The following ACYP2 variants were observed in gnomAD, a reference collection of about 807,000 sequenced individuals.
ACYP2 encodes the protein acylphosphatase-2.
In ACYP2, 12 loss-of-function variants were observed where a neutral mutation model predicts 11.2. The observed-to-expected ratio is 1.08, with a 90% CI of 0.69 to 1.74. The LOEUF is 1.74. Ranked by LOEUF, ACYP2 falls within the 40% of genes most tolerant of loss-of-function variation. The probability of loss-of-function intolerance (pLI) is 0.00; values close to 1 mark genes in which losing one functional copy is unlikely to be tolerated. For synonymous variants in ACYP2, 43 were observed against 32.2 expected (o/e 1.33, Z -1.13); for missense variants, 134 against 101.9 (o/e 1.31, Z -1.35).
intron 3 of ACYP2, chr2:54,051,639 A>T: frequency 1.3e-6 from 1 of 740,852 alleles, no homozygotes; most frequent in Non-Finnish European, 2.5e-6. Context: ...CCTTATGAAA[A>T]GAAGGCTGCG....
At chr2:54,285,632 T>G (rs843724) in intron 6 of ACYP2, among the ~76,000 whole-genome samples, 50,699 of 152,104 alleles carry the variant, frequency 0.33, 9,216 homozygotes, top group Admixed American at 0.47. Flanking sequence ...AATACATGTG[T>G]TTTTACTGGG....
chr2:54,279,622 AAG>A (rs1573041933), intron 6 of ACYP2, among the ~76,000 whole-genome samples: 1 of 150,638 alleles, frequency 6.6e-6, no homozygotes. Flanking sequence ...CTCTATCTGA[AAG>A]AGAGCATTTT....
At chr2:54,031,984 T>G (rs1674610423) in intron 2 of ACYP2, among the ~76,000 whole-genome samples, 1 of 152,226 alleles carries the variant, frequency 6.6e-6, no homozygotes, top group South Asian at 2.1e-4. Context: ...TTTGATTTTT[T>G]CTTGTAAATT....
At chr2:54,152,056 A>G (rs977293979) in intron 6 of ACYP2, among the ~76,000 whole-genome samples, 7 of 149,662 alleles carry the variant, frequency 4.7e-5, no homozygotes, top group African/African-American at 1.7e-4. Context: ...GTTACAATTG[A>G]TGAGCCAATA....
intron 6 of ACYP2, among the ~76,000 whole-genome samples, chr2:54,259,071 T>A (rs1272635915): frequency 2.0e-5 from 3 of 152,072 alleles, no homozygotes; most frequent in Non-Finnish European, 4.4e-5. Context: ...AGGCCCCACC[T>A]CCCAGCATGG....
chr2:54,066,586 A>G (rs1572681668), intron 4 of ACYP2, among the ~76,000 whole-genome samples: 1 of 152,192 alleles, frequency 6.6e-6, no homozygotes, highest in Non-Finnish European at 1.5e-5. Context: ...GTGCCATAAA[A>G]TCATCTGATT....
At chr2:54,018,344 C>T (rs1358436022) in intron 2 of ACYP2, among the ~76,000 whole-genome samples, 5 of 151,932 alleles carry the variant, frequency 3.3e-5, no homozygotes, top group African/African-American at 9.7e-5. Context: ...ACTTGAGAGC[C>T]GCTGGTATAG....
intron 4 of ACYP2, 106 bp from the exon 1 acceptor site, chr2:54,115,509 G>A (rs1043198944): frequency 1.4e-6 from 2 of 1,443,140 alleles, no homozygotes; most frequent in Non-Finnish European, 1.8e-6. Context: ...GTCCCCGGCT[G>A]CCCTCGCTCC....
intron 2 of ACYP2, among the ~76,000 whole-genome samples, chr2:54,021,163 C>A (rs1273499270): frequency 6.6e-6 from 1 of 152,026 alleles, no homozygotes; most frequent in Non-Finnish European, 1.5e-5. Flanking sequence ...GGCATACGAG[C>A]CGGAGTGGTA....
At chr2:54,066,963 C>G (rs1183532102) in intron 4 of ACYP2, among the ~76,000 whole-genome samples, 1 of 152,172 alleles carries the variant, frequency 6.6e-6, no homozygotes, top group East Asian at 1.9e-4. Context: ...GAGTTTGAAT[C>G]TGAGATTTGA....
chr2:54,037,625 C>A (rs1343108193), intron 2 of ACYP2, among the ~76,000 whole-genome samples: 1 of 152,128 alleles, frequency 6.6e-6, no homozygotes, highest in Non-Finnish European at 1.5e-5. Context: ...CCAGGCTAAT[C>A]TTGAACTCTT....
intron 6 of ACYP2, among the ~76,000 whole-genome samples, chr2:54,249,599 G>A (rs570881620): frequency 3.3e-5 from 5 of 152,202 alleles, no homozygotes; most frequent in Admixed American, 6.5e-5. Flanking sequence ...TATTTAAGGG[G>A]TAGGTAAATC....
intron 2 of ACYP2, among the ~76,000 whole-genome samples, chr2:54,013,300 TG>T (rs1673489277): frequency 6.9e-6 from 1 of 145,174 alleles, no homozygotes. Flanking sequence ...TGTGTGTGTG[TG>T]TGTGTGTGTG....
At chr2:54,069,618 C>T (rs557804761) in intron 4 of ACYP2, among the ~76,000 whole-genome samples, 20 of 151,854 alleles carry the variant, frequency 1.3e-4, no homozygotes, top group Non-Finnish European at 2.4e-4. Flanking sequence ...GCCAAGATTG[C>T]GCCACTGCAC....
chr2:54,107,314 T>G (rs1679218515), intron 4 of ACYP2, among the ~76,000 whole-genome samples: 1 of 152,250 alleles, frequency 6.6e-6, no homozygotes, highest in African/African-American at 2.4e-5. Flanking sequence ...CCTTTATTTA[T>G]TCTATAATCT....
At chr2:54,257,093 C>T (rs1265869514) in intron 6 of ACYP2, among the ~76,000 whole-genome samples, 1 of 152,120 alleles carries the variant, frequency 6.6e-6, no homozygotes, top group African/African-American at 2.4e-5. Flanking sequence ...TTACCTCTCA[C>T]CTGGGCACAG....
intron 6 of ACYP2, among the ~76,000 whole-genome samples, chr2:54,217,058 C>A (rs1213247856): frequency 6.6e-6 from 1 of 152,014 alleles, no homozygotes; most frequent in Non-Finnish European, 1.5e-5. Flanking sequence ...TTAGGTTTCC[C>A]GTAGAAACAG....
chr2:54,220,006 T>C (rs1685737146), intron 6 of ACYP2, among the ~76,000 whole-genome samples: 1 of 149,290 alleles, frequency 6.7e-6, no homozygotes, highest in South Asian at 2.1e-4. Flanking sequence ...CCTCCCAAAG[T>C]GCGGGATTAC....
chr2:54,285,277 G>C (rs1477573253), intron 6 of ACYP2, among the ~76,000 whole-genome samples: 1 of 152,162 alleles, frequency 6.6e-6, no homozygotes, highest in African/African-American at 2.4e-5. Context: ...CAAACATTCA[G>C]ACCACAGCAC....
Sources: allele counts gnomAD v4.1 joint callset (sites outside exome capture counted in the v4.1 genomes callset), GRCh38; gene constraint gnomAD v4.1.1; transcripts MANE v1.5; gene names NCBI Gene and HGNC (gene_info 2026-07-23, HGNC 2026-07-21).